Variants in TCERG1L observed in about 807,000 individuals in gnomAD.
TCERG1L encodes the protein transcription elongation regulator 1 like, also known as transcription elongation regulator 1-like protein.
A neutral mutation model predicts 56.3 loss-of-function variants in TCERG1L; 37 were observed. That is an observed-to-expected ratio of 0.66 (90% CI 0.51 to 0.87). TCERG1L has a LOEUF of 0.87. Among genes scored for constraint, TCERG1L ranks in the 40% least tolerant of loss-of-function variants. The pLI is 0.00. For missense variants in TCERG1L, 799 were observed against 774.2 expected, an observed-to-expected ratio of 1.03 and a Z score of -0.38; for synonymous variants, 324 against 326.3, an observed-to-expected ratio of 0.99 and a Z score of 0.08.
rs115025735 is a variant in TCERG1L at position 131,286,930 on chromosome 10, G to A, written c.670+21281C>T. On this transcript the variant is annotated intron_variant, in intron 3 of 11. Coordinates refer to ENST00000368642, the MANE Select transcript of TCERG1L (RefSeq NM_174937.4). ...GCTAGCCCAGATCGAGACGTGTTGC[G>A]AATATCAGATATACACTGAATTTCA... is the stretch of plus-strand genomic sequence containing the variant. Among the ~76,000 whole-genome samples, 1,145 of 152,264 alleles carry A rather than the reference G, an allele frequency of 7.5e-3. 19 individuals are homozygous for A. The highest frequency in any genetic ancestry group is 0.026 in the African/African-American group (1,087 of 41,548).
chr10:131,246,915 C>T (rs1338398422), intron 4 of TCERG1L, among the ~76,000 whole-genome samples: 1 of 152,142 alleles, frequency 6.6e-6, no homozygotes, highest in African/African-American at 2.4e-5. Flanking sequence ...CCCTCTCGCC[C>T]ACGACGCCGG....
At chr10:131,292,615 C>T (rs919230388) in intron 3 of TCERG1L, among the ~76,000 whole-genome samples, 12 of 152,156 alleles carry the variant, frequency 7.9e-5, no homozygotes, top group African/African-American at 2.4e-4. Flanking sequence ...ATGTTCTCCT[C>T]GGAGTCTGGG....
At chr10:131,309,477 A>C (rs988341922) in intron 1 of TCERG1L, among the ~76,000 whole-genome samples, 178 bp from the exon 2 acceptor site, 1 of 152,252 alleles carries the variant, frequency 6.6e-6, no homozygotes, top group Non-Finnish European at 1.5e-5. Context: ...AAAAAATTAT[A>C]GAAGTTTTCA....
intron 3 of TCERG1L, among the ~76,000 whole-genome samples, chr10:131,266,120 A>G (rs1055087811): frequency 6.6e-6 from 1 of 152,258 alleles, no homozygotes; most frequent in African/African-American, 2.4e-5. Context: ...TTCCATCTCA[A>G]GAAACCACTT....
chr10:131,242,982 T>TA (rs1358980489), intron 4 of TCERG1L, among the ~76,000 whole-genome samples: 2 of 152,186 alleles, frequency 1.3e-5, no homozygotes, highest in African/African-American at 2.4e-5. Flanking sequence ...CCACGTGTTA[T>TA]AAAAAAGAAG....
chr10:131,242,773 A>G (rs1165058133), intron 4 of TCERG1L, among the ~76,000 whole-genome samples: 1 of 152,200 alleles, frequency 6.6e-6, no homozygotes, highest in African/African-American at 2.4e-5. Context: ...AGCCTTCTGG[A>G]TGAGGATGCT....
At chr10:131,131,049 C>T (rs985252338) in intron 8 of TCERG1L, among the ~76,000 whole-genome samples, 3 of 152,188 alleles carry the variant, frequency 2.0e-5, no homozygotes, top group South Asian at 4.1e-4. Flanking sequence ...CTACACTGTG[C>T]ATTTCACAAG....
chr10:131,176,082 G>A (rs759317573), intron 4 of TCERG1L, among the ~76,000 whole-genome samples: 13 of 152,156 alleles, frequency 8.5e-5, no homozygotes, highest in Non-Finnish European at 1.2e-4. Flanking sequence ...CGAGCCCTCC[G>A]GGTGCTAGAG....
chr10:131,254,720 A>T (rs1357780432), intron 4 of TCERG1L, among the ~76,000 whole-genome samples: 2 of 151,822 alleles, frequency 1.3e-5, no homozygotes, highest in Non-Finnish European at 2.9e-5. Flanking sequence ...CATCAGGCAA[A>T]AGGAGGCGTC....
intron 4 of TCERG1L, among the ~76,000 whole-genome samples, chr10:131,174,322 T>C (rs1846123829): frequency 1.3e-5 from 2 of 152,206 alleles, no homozygotes; most frequent in African/African-American, 4.8e-5. Context: ...CCGCACAGGC[T>C]GAAACCCCAC....
At chr10:131,285,501 A>G (rs1248375547) in intron 3 of TCERG1L, among the ~76,000 whole-genome samples, 2 of 37,790 alleles carry the variant, frequency 5.3e-5, no homozygotes, top group South Asian at 1.2e-3. Context: ...AGAAAGAAAG[A>G]AAGAAAGAAA....
At position 131,260,462 on chromosome 10, in the gene TCERG1L, A is replaced by C. The variant is rs961528504; in HGVS notation, c.671-18T>G. On this transcript the variant is annotated intron_variant, in intron 3 of 11. Transcript: ENST00000368642. This position sits in a 1 kb window ranked among gnomAD's most constrained non-coding sequence, Gnocchi z 5.8. ...GCAGCCACCTGCGGAAGAGGGATGC[A>C]GAGGGTCAGCAAGGGGACGACCAGG... is the stretch of plus-strand genomic sequence containing the variant. The C allele has an allele frequency of 1.4e-6, 2 of 1,384,968 alleles. No homozygotes were observed. Among genetic ancestry groups the C allele is most frequent in the Non-Finnish European group, 1.9e-6 (2 of 1,066,462 alleles). 85.8% of individuals were successfully genotyped at this position (1,384,968 alleles called of 1,614,324 possible). A position where few individuals can be genotyped will look rare whatever the true frequency, so the allele number is the denominator to read the frequency against.
At position 131,118,839 on chromosome 10, in the gene TCERG1L, A is replaced by C. The variant is rs1845485329; in HGVS notation, c.1260-1905T>G. ...TTTTGACGATAGCACCATGTTCTCC[A>C]CTGGGGATGATTTTGCCCCAGGGGA... On this transcript the variant is annotated intron_variant, in intron 8 of 11. Transcript: ENST00000368642. This position sits in a 1 kb window ranked among gnomAD's most constrained non-coding sequence, Gnocchi z 4.2. Among the ~76,000 whole-genome samples the C allele has an allele frequency of 6.6e-6, 1 of 152,000 alleles. No individual in the cohort carries two copies.
At chr10:131,268,507 C>T (rs1846307920) in intron 3 of TCERG1L, among the ~76,000 whole-genome samples, 1 of 152,148 alleles carries the variant, frequency 6.6e-6, no homozygotes, top group Non-Finnish European at 1.5e-5. Context: ...GTCATCAGTC[C>T]TTTGAAGTTT....
At chr10:131,205,426 C>T (rs913913901) in intron 4 of TCERG1L, among the ~76,000 whole-genome samples, 1 of 151,686 alleles carries the variant, frequency 6.6e-6, no homozygotes, top group East Asian at 1.9e-4. Flanking sequence ...AAAAGTTAGA[C>T]TCTGGAAATA....
In TCERG1L at chr10:131,163,085, C is replaced by T. The variant is rs372921989; in HGVS notation, c.1034+37G>A. The T allele has an allele frequency of 7.5e-6, 11 of 1,474,332 alleles. No homozygotes were observed. The African/African-American group carries it at 1.4e-4, about 19-fold the overall frequency. 91.3% of individuals were successfully genotyped at this position (1,474,332 alleles called of 1,614,324 possible). A position where few individuals can be genotyped will look rare whatever the true frequency, so the allele number is the denominator to read the frequency against. The stretch of plus-strand genomic sequence containing the variant: ...AGGCAAATGCCAGGACCAGACAACG[C>T]CATTGCTAGTGGCTCTCAGGCTTTG... On this transcript the variant is annotated intron_variant, in intron 6 of 11. Coordinates refer to ENST00000368642, the MANE Select transcript of TCERG1L (RefSeq NM_174937.4).
intron 4 of TCERG1L, among the ~76,000 whole-genome samples, chr10:131,193,791 C>A (rs1006231273): frequency 2.0e-5 from 3 of 152,186 alleles, no homozygotes; most frequent in African/African-American, 7.2e-5. Flanking sequence ...CTAGCTTTTT[C>A]CTTTTGTTTC....
At chr10:131,209,691 G>A (rs1845595186) in intron 4 of TCERG1L, among the ~76,000 whole-genome samples, 2 of 152,100 alleles carry the variant, frequency 1.3e-5, no homozygotes, top group Non-Finnish European at 2.9e-5. Flanking sequence ...CCTCCTACCA[G>A]TGACAAACAC....
chr10:131,296,484 T>C (rs1846691713), intron 3 of TCERG1L, among the ~76,000 whole-genome samples: 1 of 152,246 alleles, frequency 6.6e-6, no homozygotes. Flanking sequence ...TTGGTCTTTA[T>C]TCTTATGCTT....
Sources: allele counts gnomAD v4.1 joint callset (sites outside exome capture counted in the v4.1 genomes callset), GRCh38; gene constraint gnomAD v4.1.1; non-coding constraint Gnocchi (gnomAD v3.1); transcripts MANE v1.5; gene names NCBI Gene and HGNC (gene_info 2026-07-23, HGNC 2026-07-21).